Variants in CDKAL1 observed in about 807,000 individuals in gnomAD.
CDKAL1 encodes the protein threonylcarbamoyladenosine tRNA methylthiotransferase.
In CDKAL1, 32 loss-of-function variants were observed where a neutral mutation model predicts 68.2. That is an observed-to-expected ratio of 0.47 (90% CI 0.35 to 0.63). The LOEUF is 0.63. Among genes scored for constraint, CDKAL1 ranks in the 30% least tolerant of loss-of-function variants. The pLI is 0.00. For missense variants in CDKAL1, 606 were observed against 696.7 expected, an observed-to-expected ratio of 0.87 and a Z score of 1.47; for synonymous variants, 234 against 244.3, an observed-to-expected ratio of 0.96 and a Z score of 0.39.
chr6:20,794,077 A>T (rs1776014197), intron 8 of CDKAL1, among the ~76,000 whole-genome samples: 1 of 151,572 alleles, frequency 6.6e-6, no homozygotes, highest in South Asian at 2.1e-4. Context: ...CTGATCTTTT[A>T]ATGTCTGTAT....
intron 4 of CDKAL1, among the ~76,000 whole-genome samples, chr6:20,584,769 T>G (rs909475813): frequency 6.6e-6 from 1 of 152,278 alleles, no homozygotes; most frequent in South Asian, 2.1e-4. Flanking sequence ...TCTGGTGAGG[T>G]GCATAGTTAT....
intron 9 of CDKAL1, among the ~76,000 whole-genome samples, chr6:20,921,033 A>G (rs1433492876): frequency 6.6e-6 from 1 of 152,168 alleles, no homozygotes. Flanking sequence ...GCTTCCATTT[A>G]TCAAGGGTCA....
At chr6:20,920,288 A>G (rs1011396945) in intron 9 of CDKAL1, among the ~76,000 whole-genome samples, 3 of 152,194 alleles carry the variant, frequency 2.0e-5, no homozygotes, top group Admixed American at 1.3e-4. Flanking sequence ...AGACCTGAAA[A>G]TGTACGCCTA....
At position 20,534,484 on chromosome 6, in the gene CDKAL1, AT is replaced by A. The variant is rs1345181617; in HGVS notation, c.-139del. The A allele has an allele frequency of 6.5e-6, 1 of 152,790 alleles. No individual in the cohort carries two copies. The highest frequency in any genetic ancestry group is 1.5e-5 in the Non-Finnish European group (1 of 68,062). 9.5% of individuals were successfully genotyped at this position (152,790 alleles called of 1,614,324 possible). ...ATAAACGTGGCGGGACGTATGTGTC[AT>A]GGCGCTCTCCATCTAAAGTCTGTGC... is the stretch of plus-strand genomic sequence containing the variant. On this transcript the variant is annotated 5_prime_UTR_variant, in exon 1 of 16. It removes an upstream start codon present in the reference 5' UTR. Transcript: ENST00000274695.
chr6:21,099,224 A>G (rs1237641046), intron 12 of CDKAL1, among the ~76,000 whole-genome samples: 3 of 152,196 alleles, frequency 2.0e-5, no homozygotes, highest in East Asian at 3.8e-4. Context: ...AGTAAACTCT[A>G]AAAAGGGGCC....
chr6:21,001,420 C>T (rs1240631938), intron 11 of CDKAL1, among the ~76,000 whole-genome samples: 1 of 151,192 alleles, frequency 6.6e-6, no homozygotes, highest in Non-Finnish European at 1.5e-5. Context: ...TCTTCCATAC[C>T]TTTCCATTAC....
chr6:21,140,770 GCTATGTGT>G (rs1775860165), intron 13 of CDKAL1, among the ~76,000 whole-genome samples: 1 of 152,180 alleles, frequency 6.6e-6, no homozygotes, highest in Non-Finnish European at 1.5e-5. Context: ...TGTCCTGCTT[GCTATGTGT>G]ATTAGTCCGT....
intron 8 of CDKAL1, among the ~76,000 whole-genome samples, chr6:20,831,004 T>C (rs899118798): frequency 2.6e-5 from 4 of 152,110 alleles, no homozygotes; most frequent in African/African-American, 9.7e-5. Context: ...GCCTAACAGA[T>C]TGTCTGCATA....
chr6:20,835,511 C>T (rs1258668797), intron 8 of CDKAL1, among the ~76,000 whole-genome samples: 3 of 141,960 alleles, frequency 2.1e-5, no homozygotes, highest in African/African-American at 5.3e-5. Context: ...CTTGTCTTGT[C>T]TTGTCTTGTC....
chr6:20,781,118 A>G (rs1561772065), intron 7 of CDKAL1, 27 bp from the exon 8 acceptor site: 1 of 1,603,228 alleles, frequency 6.2e-7, no homozygotes, highest in South Asian at 1.1e-5. Context: ...ACTCTTGCTA[A>G]TGTATATTTA....
chr6:20,649,190 C>T, intron 4 of CDKAL1, 103 bp from the exon 5 acceptor site: 1 of 726,838 alleles, frequency 1.4e-6, no homozygotes. Context: ...CATTTTACTC[C>T]ACTGTTTTTC....
intron 5 of CDKAL1, among the ~76,000 whole-genome samples, chr6:20,696,214 C>G (rs1346909156): frequency 6.6e-6 from 1 of 152,198 alleles, no homozygotes; most frequent in Non-Finnish European, 1.5e-5. Flanking sequence ...AGCCCTCATC[C>G]TTTTAATAAA....
intron 5 of CDKAL1, among the ~76,000 whole-genome samples, chr6:20,706,061 G>A (rs1039689362): frequency 6.6e-6 from 1 of 152,154 alleles, no homozygotes; most frequent in Non-Finnish European, 1.5e-5. Context: ...GATGAGGGCC[G>A]TCCTTGACCA....
intron 5 of CDKAL1, among the ~76,000 whole-genome samples, chr6:20,659,842 T>C (rs1399524066): frequency 6.6e-6 from 1 of 152,222 alleles, no homozygotes; most frequent in South Asian, 2.1e-4. Context: ...AATTGCATTA[T>C]CATTTCTTAG....
At chr6:20,653,447 A>G (rs1435768569) in intron 5 of CDKAL1, among the ~76,000 whole-genome samples, 1 of 151,944 alleles carries the variant, frequency 6.6e-6, no homozygotes, top group African/African-American at 2.4e-5. Context: ...GTTTTAATTT[A>G]CATTTCCTTT....
intron 11 of CDKAL1, among the ~76,000 whole-genome samples, chr6:21,046,871 C>A (rs1770265007): frequency 6.6e-6 from 1 of 152,176 alleles, no homozygotes; most frequent in South Asian, 2.1e-4. Context: ...AAAATAGACG[C>A]AAGCAACTGT....
At chr6:21,155,266 C>T (rs796962722) in intron 13 of CDKAL1, among the ~76,000 whole-genome samples, 25 of 151,672 alleles carry the variant, frequency 1.6e-4, no homozygotes, top group African/African-American at 6.0e-4. Context: ...TTTTTCCCCC[C>T]GAATTATATT....
Position 20,635,417 on chromosome 6 carries a change from T to C in CDKAL1, c.287-13876T>C, listed in dbSNP as rs191380740. 5.3e-3 allele frequency among the ~76,000 whole-genome samples: 801 copies of C among 152,308 alleles called. 18 individuals carry two copies. Among genetic ancestry groups the C allele is most frequent in the Admixed American group, 0.047 (716 of 15,298 alleles). ...AGCCCCTGTCAAATGATCCCAGCTA[T>C]TGGGCTCTTATAATACAGGTTGAGT... On this transcript the variant is annotated intron_variant, in intron 4 of 15. Transcript: ENST00000274695.
At chr6:20,943,816 G>A (rs1364114504) in intron 9 of CDKAL1, among the ~76,000 whole-genome samples, 1 of 151,586 alleles carries the variant, frequency 6.6e-6, no homozygotes, top group Non-Finnish European at 1.5e-5. Context: ...ACCACACTGA[G>A]CCAGACTCAG....
Sources: gnomAD v4.1 joint callset for allele counts (sites outside exome capture counted in the v4.1 genomes callset) on GRCh38, gnomAD v4.1.1 for gene constraint, MANE v1.5 for transcripts, NCBI Gene and HGNC (gene_info 2026-07-23, HGNC 2026-07-21) for gene names.